Variants in DST observed in about 807,000 individuals in gnomAD.
DST encodes the protein bullous pemphigoid antigen.
DST carries 253 observed loss-of-function variants against 875.2 expected under a neutral mutation model. That is an observed-to-expected ratio of 0.29 (90% CI 0.26 to 0.32). The LOEUF (loss-of-function observed/expected upper bound fraction) is 0.32, where lower values mean the gene tolerates loss of function less well. Ranked by LOEUF, DST falls within the 10% of genes least tolerant of loss-of-function variation. DST has a pLI of 1.00. For synonymous variants in DST, 3,124 were observed against 3,197.1 expected (o/e 0.98, Z 0.77); for missense variants, 8,287 against 9,111.6 (o/e 0.91, Z 3.68).
At position 56,515,738 on chromosome 6, in the gene DST, C is replaced by T. The variant is rs568553881; in HGVS notation, c.18358-70G>A. ...GCACACACACTCCAGAGTGCTCTGT[C>T]CAGCACAGTACACCTGGACAGAGTG... is the stretch of plus-strand genomic sequence containing the variant. On this transcript the variant is annotated intron_variant, in intron 71 of 103. Transcript: ENST00000680361. 22 of 1,226,990 alleles carry T rather than the reference C, an allele frequency of 1.8e-5. No homozygotes were observed. In the Admixed American group the frequency reaches 2.3e-4, roughly 13 times the overall value. The allele number at this position is 1,226,990 out of a possible 1,614,324, so 76.0% of individuals were successfully genotyped here. A position where few individuals can be genotyped will look rare whatever the true frequency, so the allele number is the denominator to read the frequency against.
intron 9 of DST, among the ~76,000 whole-genome samples, chr6:56,682,088 C>T (rs2099159964): frequency 1.3e-5 from 2 of 152,208 alleles, no homozygotes; most frequent in Admixed American, 1.3e-4. Context: ...GGTCAACATG[C>T]CTACATAAAA....
chr6:56,522,876 G>C lies in DST; in HGVS notation c.18129+3485C>G, dbSNP rs1370568587. Among the ~76,000 whole-genome samples the C allele has an allele frequency of 2.0e-5, 3 of 152,082 alleles. No homozygotes were observed. The East Asian group carries it at 5.8e-4, about 29-fold the overall frequency. On this transcript the variant is annotated intron_variant, in intron 69 of 103. Coordinates refer to ENST00000680361, the MANE Select transcript of DST (RefSeq NM_001374736.1). ...ATTGCTCTGAGGCTTAAAGAATCAA[G>C]GTAGTCTGAATTCAGAACCCAAGTC...
intron 15 of DST, among the ~76,000 whole-genome samples, chr6:56,643,907 AT>A (rs1265833940): frequency 6.6e-6 from 1 of 152,256 alleles, no homozygotes; most frequent in Non-Finnish European, 1.5e-5. Context: ...CAAGAAATTA[AT>A]CATTTTAGAT....
intron 93 of DST, 131 bp from the exon 94 acceptor site, chr6:56,472,353 A>G: frequency 1.3e-6 from 1 of 766,610 alleles, no homozygotes; most frequent in East Asian, 2.7e-5. Flanking sequence ...AAGTATCCTA[A>G]TTTAGATGAT....
chr6:56,562,466 T>C (rs928768899), intron 55 of DST, among the ~76,000 whole-genome samples: 1 of 151,956 alleles, frequency 6.6e-6, no homozygotes, highest in African/African-American at 2.4e-5. Flanking sequence ...TTCATAAAAA[T>C]TTTTGTGAAG....
chr6:56,609,304 C>T lies in DST; in HGVS notation c.5324G>A (p.Gly1775Glu). 6.2e-7 allele frequency: 1 copy of T among 1,612,766 alleles called. No homozygotes were observed. Among genetic ancestry groups the T allele is most frequent in the Non-Finnish European group, 8.5e-7 (1 of 1,179,380 alleles). ...VIAGTIDQTT[G>E]EVLSVFQAVL... ...TGCTTGAAAGACTGAAAGGACTTCT[C>T]CAGTTGTCTGATCAATGGTGCCTGC... Residue 1775 changes from glycine (G) to glutamate (E), a missense_variant, in exon 40 of 104, where the codon GGA becomes GAA. By Grantham distance (98) the Gly-to-Glu change is moderately conservative. This residue lies in a region of DST where 3,138 missense variants were observed against 3,116.6 expected (regional missense o/e 1.01). Transcript: ENST00000680361.
chr6:56,458,854 A>G lies in DST; in HGVS notation c.*151T>C. ...ATCTGACAAAAAAAATTATACAGAT[A>G]AAATAAAAAGACAAATACACAAATA... is the stretch of plus-strand genomic sequence containing the variant. On this transcript the variant is annotated 3_prime_UTR_variant, in exon 104 of 104. Transcript: ENST00000680361. 2.4e-6 allele frequency: 2 copies of G among 849,602 alleles called. No homozygotes were observed. Among genetic ancestry groups the G allele is most frequent in the Non-Finnish European group, 1.7e-6 (1 of 593,440 alleles). The allele number at this position is 849,602 out of a possible 1,614,324, so 52.6% of individuals were successfully genotyped here.
chr6:56,953,792 C>T lies in DST; in HGVS notation c.209G>A (p.Arg70His), dbSNP rs1823654840. 1.5e-6 allele frequency: 2 copies of T among 1,316,482 alleles called. No homozygotes were observed. The highest frequency in any genetic ancestry group is 1.0e-6 in the Non-Finnish European group (1 of 994,690). The allele number at this position is 1,316,482 out of a possible 1,614,324, so 81.6% of individuals were successfully genotyped here. The change falls in exon 2 of 104, where the codon CGT (arginine) becomes CAT (histidine). Residue 70 changes from arginine to histidine, a missense_variant. By Grantham distance (29) the Arg-to-His change is conservative (BLOSUM62 0). This residue lies in a region of DST where 1,160 missense variants were observed against 1,424.3 expected (regional missense o/e 0.81). Transcript: ENST00000680361. The part of the protein sequence containing the change: ...RDAVLRSHHF[R>H]SEGFRASPRH... ...GCGCGCTAAATAAATTACCTCAGAA[C>T]GAAAGTGGTGCGATCTCAAAACAGC...
At chr6:56,940,009 G>A (rs1815510362) in intron 2 of DST, among the ~76,000 whole-genome samples, 1 of 151,564 alleles carries the variant, frequency 6.6e-6, no homozygotes, top group Non-Finnish European at 1.5e-5. Context: ...CTGCGTGACA[G>A]AGCAAGACTC....
chr6:56,946,317 G>T (rs1417413492), intron 2 of DST, among the ~76,000 whole-genome samples: 1 of 152,216 alleles, frequency 6.6e-6, no homozygotes, highest in Admixed American at 6.5e-5. Context: ...GGTGACCTAA[G>T]TGTGAGTGGT....
rs376752835 is a variant in DST at position 56,631,399 on chromosome 6, A to G, written c.3964-10T>C. Reference sequence around the variant, plus strand: ...GCTCTTTCTTTAGTTTCTATAAAACAGAGAACAAACAAAGGTATCAGGCCA... The same window carrying G: ...GCTCTTTCTTTAGTTTCTATAAAACGGAGAACAAACAAAGGTATCAGGCCA... On this transcript the variant is annotated splice_polypyrimidine_tract_variant and intron_variant, in intron 29 of 103. Coordinates refer to ENST00000680361, the MANE Select transcript of DST (RefSeq NM_001374736.1). 47 of 1,612,866 alleles carry G rather than the reference A, an allele frequency of 2.9e-5. No homozygotes were observed. In the Middle Eastern group the frequency reaches 9.9e-4, roughly 34 times the overall value.
chr6:56,785,438 G>C (rs2099703211), intron 4 of DST, among the ~76,000 whole-genome samples: 1 of 152,112 alleles, frequency 6.6e-6, no homozygotes, highest in African/African-American at 2.4e-5. Flanking sequence ...CGCCAGCCTC[G>C]CTGCCGCCTT....
intron 55 of DST, among the ~76,000 whole-genome samples, chr6:56,567,034 A>G (rs889837439): frequency 6.6e-6 from 1 of 152,284 alleles, no homozygotes; most frequent in South Asian, 2.1e-4. Context: ...CAATCAGCCA[A>G]ACTGATGGGA....
At chr6:56,745,678 G>C (rs1364392344) in intron 4 of DST, among the ~76,000 whole-genome samples, 1 of 152,066 alleles carries the variant, frequency 6.6e-6, no homozygotes, top group African/African-American at 2.4e-5. Flanking sequence ...CTCACTAGAA[G>C]AAAACATCTG....
At position 56,535,292 on chromosome 6, in the gene DST, C is replaced by T. The variant is rs1048460907; in HGVS notation, c.16771G>A (p.Val5591Met). ...NARWKTLNKKVAQRAAQLQEA... is the reference protein window; with the variant it reads ...NARWKTLNKKMAQRAAQLQEA... ...TGCAGCTGGGCTGCTCGCTGAGCCA[C>T]CTGCAAAGTGCCAATTGTTTCCACT... is the stretch of plus-strand genomic sequence containing the variant. Residue 5591 changes from valine to methionine, a missense_variant and splice_region_variant, in exon 63 of 104, where the codon GTG becomes ATG. Physicochemically the swap from Val to Met is conservative, Grantham distance 21. This residue lies in a region of DST where 777 missense variants were observed against 764.8 expected (regional missense o/e 1.02). Transcript: ENST00000680361. 3 of 1,565,364 alleles carry T rather than the reference C, an allele frequency of 1.9e-6. No individual in the cohort carries two copies. In the African/African-American group the frequency reaches 4.2e-5, roughly 22 times the overall value.
intron 4 of DST, among the ~76,000 whole-genome samples, chr6:56,750,938 C>G (rs746942459): frequency 1.3e-5 from 2 of 152,044 alleles, no homozygotes; most frequent in Non-Finnish European, 2.9e-5. Context: ...GGCCCTGTCC[C>G]AAGCATTTAC....
chr6:56,843,600 G>C (rs1405495191), intron 4 of DST: 1 of 983,956 alleles, frequency 1.0e-6, no homozygotes, highest in Admixed American at 6.2e-5. Flanking sequence ...AGCGGTGCGG[G>C]AGGACCGGCG....
chr6:56,699,636 A>C lies in DST; in HGVS notation c.1047+17T>G. ...AACTAGCAATTAGATGCTGAAATTA[A>C]GAAAATTTGGGCTTACCTGAAAGTG... On this transcript the variant is annotated intron_variant, in intron 9 of 103. Coordinates refer to ENST00000680361, the MANE Select transcript of DST (RefSeq NM_001374736.1). 1.4e-6 allele frequency: 2 copies of C among 1,399,022 alleles called. No homozygotes were observed. The highest frequency in any genetic ancestry group is 1.9e-6 in the Non-Finnish European group (2 of 1,026,188). The allele number at this position is 1,399,022 out of a possible 1,614,324, so 86.7% of individuals were successfully genotyped here. A position where few individuals can be genotyped will look rare whatever the true frequency, so the allele number is the denominator to read the frequency against.
intron 55 of DST, among the ~76,000 whole-genome samples, chr6:56,564,723 C>G (rs1195335373): frequency 6.6e-6 from 1 of 152,128 alleles, no homozygotes; most frequent in Non-Finnish European, 1.5e-5. Context: ...ACAAATAACT[C>G]TTATTGTTTT....
Sources: allele counts gnomAD v4.1 joint callset (sites outside exome capture counted in the v4.1 genomes callset), GRCh38; gene constraint gnomAD v4.1.1; regional missense constraint gnomAD v4.1.1; transcripts MANE v1.5; gene names NCBI Gene and HGNC (gene_info 2026-07-23, HGNC 2026-07-21).